The following ITPR1 variants were observed in gnomAD, a reference collection of about 807,000 sequenced individuals.
ITPR1 encodes the protein inositol 1,4,5-trisphosphate-gated calcium channel ITPR1.
In ITPR1, 96 loss-of-function variants were observed where a neutral mutation model predicts 318.4. That is an observed-to-expected ratio of 0.30 (90% confidence interval 0.26 to 0.36). The LOEUF is 0.36. Ranked by LOEUF, ITPR1 falls within the 10% of genes least tolerant of loss-of-function variation. ITPR1 has a pLI of 1.00. For missense variants in ITPR1, 2,440 were observed against 3,460.2 expected, an observed-to-expected ratio of 0.71 and a Z score of 7.40; for synonymous variants, 1,312 against 1,289.9, an observed-to-expected ratio of 1.02 and a Z score of -0.37.
At position 4,666,721 on chromosome 3, in the gene ITPR1, C is replaced by G. The variant is rs1233113053; in HGVS notation, c.1714-656C>G. On this transcript the variant is annotated intron_variant, in intron 17 of 61. Transcript: ENST00000649015. Reference sequence around the variant, plus strand: ...ATTTTGAGCAAGCAGTCTATCTTGGCCAGGGAAGCATCTTTGAACAGAAAC... The same window carrying G: ...ATTTTGAGCAAGCAGTCTATCTTGGGCAGGGAAGCATCTTTGAACAGAAAC... 2.6e-5 allele frequency among the ~76,000 whole-genome samples: 4 copies of G among 152,108 alleles called. No homozygotes were observed. The East Asian group carries it at 7.7e-4, about 29-fold the overall frequency.
intron 4 of ITPR1, among the ~76,000 whole-genome samples, chr3:4,550,974 G>A (rs775301779): frequency 7.2e-5 from 11 of 152,158 alleles, no homozygotes; most frequent in Non-Finnish European, 1.5e-4. Context: ...TGAAGAGGAA[G>A]AGGACTGAGA....
chr3:4,677,395 C>G (rs951227686), intron 24 of ITPR1, among the ~76,000 whole-genome samples: 4 of 152,096 alleles, frequency 2.6e-5, no homozygotes, highest in Non-Finnish European at 5.9e-5. Flanking sequence ...ACACTGAGGA[C>G]AGGGGGCTGG....
intron 2 of ITPR1, among the ~76,000 whole-genome samples, chr3:4,505,090 G>A (rs573336735): frequency 2.0e-5 from 3 of 152,018 alleles, no homozygotes; most frequent in South Asian, 4.2e-4. Context: ...CTTATCCTCG[G>A]TTCTGAGGGG....
intron 26 of ITPR1, among the ~76,000 whole-genome samples, chr3:4,681,624 A>AGTATATGTGTGTGT (rs373511110): frequency 6.9e-6 from 1 of 145,788 alleles, no homozygotes. Context: ...AGAGAGAGAA[A>AGTATATGTGTGTGT]GTGTGTGTGT....
intron 60 of ITPR1, among the ~76,000 whole-genome samples, chr3:4,834,208 C>T (rs375516486): frequency 1.3e-5 from 2 of 152,158 alleles, no homozygotes; most frequent in East Asian, 3.8e-4. Flanking sequence ...AAAAGAAAAT[C>T]TAGATGGTCA....
At chr3:4,738,868 G>A (rs2043485969) in intron 44 of ITPR1, among the ~76,000 whole-genome samples, 1 of 151,864 alleles carries the variant, frequency 6.6e-6, no homozygotes, top group Non-Finnish European at 1.5e-5. Context: ...GGGGTGGTGT[G>A]GGGGCCTGTG....
intron 21 of ITPR1, among the ~76,000 whole-genome samples, chr3:4,673,619 G>C (rs2094130256): frequency 6.6e-6 from 1 of 152,146 alleles, no homozygotes; most frequent in African/African-American, 2.4e-5. Flanking sequence ...GTCTCACTCT[G>C]TTGCCCAGGC....
intron 54 of ITPR1, 23 bp from the exon 55 acceptor site, chr3:4,806,080 A>T: frequency 3.1e-6 from 5 of 1,605,156 alleles, no homozygotes; most frequent in Non-Finnish European, 4.3e-6. Flanking sequence ...GTGCCATCTG[A>T]CTGTTCCTGT....
chr3:4,637,933 G>A (rs1390248040), intron 5 of ITPR1, among the ~76,000 whole-genome samples: 1 of 152,124 alleles, frequency 6.6e-6, no homozygotes, highest in South Asian at 2.1e-4. Context: ...TAATAATAAT[G>A]GTTAAAATTT....
At chr3:4,597,197 C>G (rs1290999797) in intron 4 of ITPR1, among the ~76,000 whole-genome samples, 1 of 152,126 alleles carries the variant, frequency 6.6e-6, no homozygotes, top group Non-Finnish European at 1.5e-5. Context: ...TGAAATTGCC[C>G]TCTTTTAAAA....
intron 4 of ITPR1, among the ~76,000 whole-genome samples, chr3:4,605,904 G>A (rs2091669118): frequency 6.6e-6 from 1 of 152,132 alleles, no homozygotes; most frequent in Non-Finnish European, 1.5e-5. Context: ...GTAGGCAACA[G>A]GGAGTGGGGC....
At chr3:4,785,270 G>A (rs773629390) in intron 51 of ITPR1, among the ~76,000 whole-genome samples, 27 of 152,148 alleles carry the variant, frequency 1.8e-4, no homozygotes, top group Non-Finnish European at 8.8e-5. Flanking sequence ...TGGTCCCTGA[G>A]CCTGTGGGTC....
intron 23 of ITPR1, among the ~76,000 whole-genome samples, chr3:4,675,732 A>G (rs912961561): frequency 1.3e-5 from 2 of 152,212 alleles, no homozygotes; most frequent in Admixed American, 1.3e-4. Context: ...CTGCCTTTGC[A>G]TGTTTATTTC....
chr3:4,810,024 C>T (rs749477229), intron 55 of ITPR1, among the ~76,000 whole-genome samples: 3 of 152,088 alleles, frequency 2.0e-5, no homozygotes, highest in East Asian at 1.9e-4. Context: ...GCCAATCGAC[C>T]GGAAAATGAC....
At chr3:4,836,964 C>T (rs1252466582) in intron 61 of ITPR1, 29 bp downstream of exon 61, 4 of 1,532,226 alleles carry the variant, frequency 2.6e-6, no homozygotes. Flanking sequence ...AGCGCCTACC[C>T]TCCCATCACT....
chr3:4,682,140 T>C (rs1028357555), intron 26 of ITPR1, among the ~76,000 whole-genome samples: 1 of 152,240 alleles, frequency 6.6e-6, no homozygotes, highest in African/African-American at 2.4e-5. Flanking sequence ...TTGATTAAGC[T>C]GGATGGTTCT....
intron 37 of ITPR1, among the ~76,000 whole-genome samples, chr3:4,709,770 T>C (rs1173179540): frequency 1.3e-5 from 2 of 152,252 alleles, no homozygotes; most frequent in Non-Finnish European, 2.9e-5. Context: ...GTTCATTCAT[T>C]GGTGTCCTCA....
chr3:4,627,980 T>C (rs1575793700), intron 5 of ITPR1, 102 bp downstream of exon 5: 1 of 666,360 alleles, frequency 1.5e-6, no homozygotes, highest in East Asian at 2.7e-5. Flanking sequence ...CCTCCAATTC[T>C]AGCAGCCAGC....
intron 44 of ITPR1, among the ~76,000 whole-genome samples, chr3:4,760,508 A>G (rs2045360965): frequency 1.3e-5 from 2 of 152,244 alleles, no homozygotes; most frequent in South Asian, 4.1e-4. Flanking sequence ...AAATGTTTCT[A>G]TACCCATTGT....
Sources: gnomAD v4.1 joint callset for allele counts (sites outside exome capture counted in the v4.1 genomes callset) on GRCh38, gnomAD v4.1.1 for gene constraint, MANE v1.5 for transcripts, NCBI Gene and HGNC (gene_info 2026-07-23, HGNC 2026-07-21) for gene names.